Variants in ELP4 observed in about 807,000 individuals in gnomAD.
ELP4 encodes the protein elongator complex protein 4.
ELP4 carries 51 observed loss-of-function variants against 48.9 expected under a neutral mutation model. The observed-to-expected ratio is 1.04, with a 90% confidence interval of 0.83 to 1.32. The LOEUF (loss-of-function observed/expected upper bound fraction) is 1.32. ELP4 is among the 40% of genes most tolerant of loss of function. ELP4 has a pLI of 0.00. For missense variants in ELP4, 519 were observed against 514.6 expected (o/e 1.01, Z -0.08); for synonymous variants, 210 against 189.2 (o/e 1.11, Z -0.90).
chr11:31,699,569 A>G (rs566225231), intron 9 of ELP4, among the ~76,000 whole-genome samples: 12 of 152,304 alleles, frequency 7.9e-5, no homozygotes, highest in African/African-American at 2.6e-4. Context: ...CCATAGTTCA[A>G]TTCAGATGGA....
chr11:31,525,161 C>T (rs931101679), intron 2 of ELP4, among the ~76,000 whole-genome samples: 5 of 152,184 alleles, frequency 3.3e-5, no homozygotes, highest in Non-Finnish European at 7.3e-5. Context: ...GTATGAATCA[C>T]AAGGCCTAAA....
chr11:31,565,194 C>T (rs1174617374), intron 3 of ELP4, among the ~76,000 whole-genome samples: 1 of 152,176 alleles, frequency 6.6e-6, no homozygotes. Flanking sequence ...AGTGTCTGTT[C>T]ATATCCTTTG....
intron 3 of ELP4, among the ~76,000 whole-genome samples, chr11:31,568,851 G>A (rs1399890007): frequency 1.3e-5 from 2 of 152,100 alleles, no homozygotes; most frequent in Non-Finnish European, 2.9e-5. Flanking sequence ...TTGGGAGGCT[G>A]AGGCAGGCAG....
At chr11:31,554,284 C>T (rs1414415357) in intron 3 of ELP4, among the ~76,000 whole-genome samples, 1 of 151,992 alleles carries the variant, frequency 6.6e-6, no homozygotes, top group African/African-American at 2.4e-5. Context: ...TAAACCAGAC[C>T]CTGGTGCCAA....
chr11:31,777,488 G>C (rs905667220), intron 9 of ELP4, among the ~76,000 whole-genome samples: 1 of 152,214 alleles, frequency 6.6e-6, no homozygotes, highest in African/African-American at 2.4e-5. Flanking sequence ...TCTGGATGGT[G>C]ATCATTTTGC....
intron 1 of ELP4, among the ~76,000 whole-genome samples, chr11:31,518,010 A>G (rs1956147561): frequency 6.6e-6 from 1 of 152,230 alleles, no homozygotes; most frequent in Non-Finnish European, 1.5e-5. Context: ...TGTTTGAGAC[A>G]TTAATCAAAA....
rs188363406 is a variant in ELP4 at position 31,580,367 on chromosome 11, T to C, written c.382-14403T>C. Among the ~76,000 whole-genome samples, 38 of 152,312 alleles carry C rather than the reference T, an allele frequency of 2.5e-4. 1 individual carries two copies. The highest frequency in any genetic ancestry group is 8.9e-4 in the African/African-American group (37 of 41,564). ...AGGTTGTTTTCTAAAGGATCTAATA[T>C]TAGTAGTAGGTGTTCCTTTTAATAT... On this transcript the variant is annotated intron_variant, in intron 3 of 9. Coordinates refer to ENST00000640961, the MANE Select transcript of ELP4 (RefSeq NM_019040.5).
intron 3 of ELP4, among the ~76,000 whole-genome samples, chr11:31,549,701 G>A (rs548760555): frequency 7.9e-5 from 12 of 152,120 alleles, no homozygotes; most frequent in Non-Finnish European, 1.6e-4. Context: ...TGTTTATTGC[G>A]GCACTATTCA....
At chr11:31,527,571 C>T (rs911181052) in intron 2 of ELP4, among the ~76,000 whole-genome samples, 4 of 152,032 alleles carry the variant, frequency 2.6e-5, no homozygotes, top group Non-Finnish European at 5.9e-5. Context: ...GTCTCTCATA[C>T]ATCCAGAAAA....
intron 5 of ELP4, among the ~76,000 whole-genome samples, chr11:31,616,276 A>G (rs565558805): frequency 7.2e-5 from 11 of 152,214 alleles, no homozygotes; most frequent in African/African-American, 2.6e-4. Flanking sequence ...CCAAAAATAA[A>G]TTTTGGTATA....
chr11:31,622,513 C>CAT (rs2134029404), intron 5 of ELP4, among the ~76,000 whole-genome samples: 1 of 151,780 alleles, frequency 6.6e-6, no homozygotes, highest in South Asian at 2.1e-4. Flanking sequence ...TAGAATACTA[C>CAT]ATCTTCTTTT....
At chr11:31,709,252 T>G (rs1946692960) in intron 9 of ELP4, among the ~76,000 whole-genome samples, 1 of 152,168 alleles carries the variant, frequency 6.6e-6, no homozygotes, top group African/African-American at 2.4e-5. Context: ...AACAAATTGA[T>G]GATACGTCAT....
intron 9 of ELP4, among the ~76,000 whole-genome samples, chr11:31,724,720 C>T (rs1160850989): frequency 1.3e-5 from 2 of 152,238 alleles, no homozygotes; most frequent in Admixed American, 6.5e-5. Context: ...ATTGAGGCAT[C>T]TCAACTCAGG....
chr11:31,733,059 G>C (rs1947227700), intron 9 of ELP4, among the ~76,000 whole-genome samples: 1 of 152,138 alleles, frequency 6.6e-6, no homozygotes, highest in African/African-American at 2.4e-5. Context: ...CAGACCAAAT[G>C]TATCTAACAG....
intron 5 of ELP4, among the ~76,000 whole-genome samples, chr11:31,604,685 C>T (rs1386746833): frequency 6.6e-6 from 1 of 151,812 alleles, no homozygotes; most frequent in African/African-American, 2.4e-5. Flanking sequence ...ATAGGCAAGG[C>T]GTTGTGAACC....
intron 3 of ELP4, among the ~76,000 whole-genome samples, chr11:31,569,149 C>A (rs1482511158): frequency 6.6e-6 from 1 of 151,948 alleles, no homozygotes; most frequent in East Asian, 1.9e-4. Context: ...TTGTAACAAT[C>A]CCAGAAGAAA....
At chr11:31,646,877 A>T (rs534398714) in intron 7 of ELP4, 5 of 143,366 alleles carry the variant, frequency 3.5e-5, no homozygotes, top group Middle Eastern at 3.6e-3. Context: ...TTAAAGAATT[A>T]AAAAAAAAAA....
rs933841552 is a variant in ELP4, at chr11:31,575,676, T to C, written c.382-19094T>C. Among the ~76,000 whole-genome samples, 14 of 152,310 alleles carry C rather than the reference T, an allele frequency of 9.2e-5. No homozygotes were observed. In the South Asian group the frequency reaches 2.9e-3, roughly 32 times the overall value. ...AAAGAATATTCAACCCAGAATTTCA[T>C]ATCCAGCCAAACTAAGCTTCATAAG... On this transcript the variant is annotated intron_variant, in intron 3 of 9. Coordinates refer to ENST00000640961, the MANE Select transcript of ELP4 (RefSeq NM_019040.5).
At chr11:31,652,919 A>C (rs1945352299) in intron 9 of ELP4, 1 of 151,682 alleles carries the variant, frequency 6.6e-6, no homozygotes, top group African/African-American at 2.4e-5. Flanking sequence ...TTTTAGGGCA[A>C]CTTTTTTTTA....
Sources: allele counts gnomAD v4.1 joint callset (sites outside exome capture counted in the v4.1 genomes callset), GRCh38; gene constraint gnomAD v4.1.1; transcripts MANE v1.5; gene names NCBI Gene and HGNC (gene_info 2026-07-23, HGNC 2026-07-21).